Variants in C6orf132 observed in about 807,000 individuals in gnomAD.
The protein encoded by C6orf132 is uncharacterized protein C6orf132.
Under a neutral mutation model 65.3 loss-of-function variants are expected in C6orf132, and 43 were observed. That is an observed-to-expected ratio of 0.66 (90% CI 0.52 to 0.85). The LOEUF (loss-of-function observed/expected upper bound fraction) is 0.85. C6orf132 is among the 40% of genes least tolerant of loss of function. The pLI, the probability that C6orf132 is intolerant of heterozygous loss-of-function variation, is 0.00. For missense variants in C6orf132, 1,488 were observed against 1,548.8 expected (o/e 0.96, Z 0.66); for synonymous variants, 631 against 654.1 (o/e 0.96, Z 0.54).
At chr6:42,130,145 C>T (rs970759905) in intron 1 of C6orf132, among the ~76,000 whole-genome samples, 2 of 152,236 alleles carry the variant, frequency 1.3e-5, no homozygotes, top group Admixed American at 6.5e-5. Flanking sequence ...TCAAGCTTCT[C>T]CACGTCTCAA....
At chr6:42,103,914 C>T in intron 4 of C6orf132, 36 bp from the exon 5 acceptor site, 1 of 1,322,564 alleles carries the variant, frequency 7.6e-7, no homozygotes, top group Non-Finnish European at 9.8e-7. Flanking sequence ...TGAATATCTG[C>T]AGCTGGTTAG....
chr6:42,123,583 AAAG>A (rs373447285), intron 2 of C6orf132, among the ~76,000 whole-genome samples: 3,029 of 151,222 alleles, frequency 0.02, 73 homozygotes, highest in African/African-American at 0.062. Context: ...AAGAAAGAAG[AAAG>A]AAGAAGAAGA....
At chr6:42,122,528 G>T (rs1169800885) in intron 2 of C6orf132, among the ~76,000 whole-genome samples, 1 of 152,184 alleles carries the variant, frequency 6.6e-6, no homozygotes, top group Non-Finnish European at 1.5e-5. Context: ...GAACCAGGTG[G>T]GTAGAGAAGG....
At position 42,105,242 on chromosome 6, in the gene C6orf132, G is replaced by C; in HGVS notation, c.2670C>G (p.Asn890Lys). 6.5e-7 allele frequency: 1 copy of C among 1,537,228 alleles called. No homozygotes were observed. The highest frequency in any genetic ancestry group is 8.7e-7 in the Non-Finnish European group (1 of 1,146,910). The change falls in exon 4 of 5, where the codon AAC becomes AAG. Residue 890 changes from asparagine to lysine, a missense_variant. Coordinates refer to ENST00000341865, the MANE Select transcript of C6orf132 (RefSeq NM_001164446.3). ...GTAACTTGGGCACCACAGTGAAGGA[G>C]TTGGGCGTGCCCTGGCTGTGGAAGA... Reference protein sequence around the residue: ...DSIFHSQGTPNSFTVVPKLPK... With the variant: ...DSIFHSQGTPKSFTVVPKLPK...
chr6:42,101,820 A>G lies in C6orf132; in HGVS notation c.*1941T>C, dbSNP rs1349862678. On this transcript the variant is annotated 3_prime_UTR_variant, in exon 5 of 5. Coordinates refer to ENST00000341865, the MANE Select transcript of C6orf132 (RefSeq NM_001164446.3). ...GCCTTGGTAATCTGGGCATCCACCC[A>G]CCCCTGCACTTTCTTCCCTAAAGTG... The G allele has an allele frequency of 2.0e-5, 3 of 151,998 alleles. No homozygotes were observed. The highest frequency in any genetic ancestry group is 2.0e-4 in the Admixed American group (3 of 15,260). 9.4% of individuals were successfully genotyped at this position (151,998 alleles called of 1,614,324 possible). A position where few individuals can be genotyped will look rare whatever the true frequency, so the allele number is the denominator to read the frequency against.
At chr6:42,125,965 C>G (rs1766756868) in intron 2 of C6orf132, among the ~76,000 whole-genome samples, 1 of 151,978 alleles carries the variant, frequency 6.6e-6, no homozygotes, top group Admixed American at 6.6e-5. Flanking sequence ...CCCACATTAA[C>G]TCTTTAGTTG....
rs540942668 is a variant in C6orf132 at position 42,111,390 on chromosome 6, C to T, written c.253-1099G>A. 3.3e-5 allele frequency among the ~76,000 whole-genome samples: 5 copies of T among 151,126 alleles called. No homozygotes were observed. The South Asian group carries it at 1.0e-3, about 32-fold the overall frequency. ...CTGCCTCCTGGGTTCAAGCAATTCT[C>T]CTGCCTCAGCCTCCCGAGTAGCTGG... On this transcript the variant is annotated intron_variant, in intron 2 of 4. Coordinates refer to ENST00000341865, the MANE Select transcript of C6orf132 (RefSeq NM_001164446.3).
chr6:42,110,385 T>G, intron 2 of C6orf132, 94 bp from the exon 3 acceptor site: 1 of 956,040 alleles, frequency 1.0e-6, no homozygotes, highest in Non-Finnish European at 1.5e-6. Context: ...TGCTTGAAAA[T>G]CTGCAGTGAC....
At chr6:42,114,123 A>G (rs889864344) in intron 2 of C6orf132, among the ~76,000 whole-genome samples, 1 of 152,190 alleles carries the variant, frequency 6.6e-6, no homozygotes, top group Non-Finnish European at 1.5e-5. Context: ...CTTTGATCTT[A>G]AAGCACTTAG....
At chr6:42,119,341 C>CTTTTTTT (rs36124736) in intron 2 of C6orf132, among the ~76,000 whole-genome samples, 2 of 78,214 alleles carry the variant, frequency 2.6e-5, no homozygotes, top group Non-Finnish European at 4.5e-5. Flanking sequence ...AGCTTTCCAG[C>CTTTTTTT]TTTTTTTTTT....
At chr6:42,118,425 C>T (rs1341334722) in intron 2 of C6orf132, among the ~76,000 whole-genome samples, 1 of 152,194 alleles carries the variant, frequency 6.6e-6, no homozygotes, top group Non-Finnish European at 1.5e-5. Flanking sequence ...CACTGCTCCA[C>T]CCTTGGCATC....
In C6orf132 at chr6:42,104,795, A is replaced by G; in HGVS notation, c.3117T>C (p.Phe1039=). The change falls in exon 4 of 5, where the codon TTT becomes TTC. Residue 1039 remains phenylalanine, a synonymous_variant. Coordinates refer to ENST00000341865, the MANE Select transcript of C6orf132 (RefSeq NM_001164446.3). The surrounding 1 kb of genome is among the most constrained non-coding windows in gnomAD (Gnocchi z 4.1). ...GAPPALGFSR[F]PAGARYAGAG... is the part of the protein sequence containing the mutation. ...CCCCGGCGTAGCGCGCGCCCGCGGGAAAGCGCGAGAAGCCGAGAGCCGGGG... is the reference window on the plus strand; with the variant it reads ...CCCCGGCGTAGCGCGCGCCCGCGGGGAAGCGCGAGAAGCCGAGAGCCGGGG... 6.7e-7 allele frequency: 1 copy of G among 1,491,018 alleles called. No homozygotes were observed. Among genetic ancestry groups the G allele is most frequent in the Non-Finnish European group, 8.9e-7 (1 of 1,127,116 alleles). 92.4% of individuals were successfully genotyped at this position (1,491,018 alleles called of 1,614,324 possible). A position where few individuals can be genotyped will look rare whatever the true frequency, so the allele number is the denominator to read the frequency against.
intron 2 of C6orf132, among the ~76,000 whole-genome samples, chr6:42,122,533 A>T (rs1418693329): frequency 6.6e-6 from 1 of 152,170 alleles, no homozygotes; most frequent in Admixed American, 6.5e-5. Flanking sequence ...AGGTGGGTAG[A>T]GAAGGGGGTG....
At chr6:42,108,769 G>C (rs888376280) in intron 3 of C6orf132, among the ~76,000 whole-genome samples, 1 of 152,114 alleles carries the variant, frequency 6.6e-6, no homozygotes, top group Non-Finnish European at 1.5e-5. Context: ...CTCTCCCAGA[G>C]TCTACTTCCT....
At position 42,107,433 on chromosome 6, in the gene C6orf132, C is replaced by A. The variant is rs1459092221; in HGVS notation, c.479G>T (p.Gly160Val). ...PPQDISEPPG[G>V]SPLPSPPSTA... ...GGAAGGTGGAGATGGCAGTGGCGAC[C>A]CCCCTGGAGGTTCTGAAATGTCCTG... is the stretch of plus-strand genomic sequence containing the variant. Residue 160 changes from glycine (G) to valine (V), a missense_variant, in exon 4 of 5, where the codon GGG (glycine) becomes GTG (valine). Transcript: ENST00000341865. The A allele has an allele frequency of 2.3e-5, 35 of 1,521,118 alleles. No homozygotes were observed. Among genetic ancestry groups the A allele is most frequent in the Non-Finnish European group, 3.1e-5 (35 of 1,130,606 alleles). The allele number at this position is 1,521,118 out of a possible 1,614,324, so 94.2% of individuals were successfully genotyped here.
At chr6:42,116,457 C>A (rs1447580094) in intron 2 of C6orf132, among the ~76,000 whole-genome samples, 1 of 152,106 alleles carries the variant, frequency 6.6e-6, no homozygotes, top group African/African-American at 2.4e-5. Context: ...TTCCTTCCTG[C>A]TGCCCCTCCA....
At chr6:42,133,703 C>T (rs1766892115) in intron 1 of C6orf132, among the ~76,000 whole-genome samples, 1 of 151,912 alleles carries the variant, frequency 6.6e-6, no homozygotes, top group African/African-American at 2.4e-5. Context: ...TTGACCCAAA[C>T]CTGATCTTTA....
intron 2 of C6orf132, among the ~76,000 whole-genome samples, chr6:42,114,141 A>G (rs1173216585): frequency 6.6e-6 from 1 of 152,164 alleles, no homozygotes; most frequent in Non-Finnish European, 1.5e-5. Context: ...TAGAAAACAC[A>G]TTAGACTCCC....
intron 1 of C6orf132, 128 bp downstream of exon 1, chr6:42,142,172 G>T: frequency 9.4e-7 from 1 of 1,061,564 alleles, no homozygotes; most frequent in Non-Finnish European, 1.3e-6. Context: ...CTGCCCGGCG[G>T]CTGCTCTCGG....
Sources: gnomAD v4.1 joint callset for allele counts (sites outside exome capture counted in the v4.1 genomes callset) on GRCh38, gnomAD v4.1.1 for gene constraint, Gnocchi (gnomAD v3.1) non-coding constraint, MANE v1.5 for transcripts, NCBI Gene and HGNC (gene_info 2026-07-23, HGNC 2026-07-21) for gene names.